The following ARHGEF38 variants were observed in gnomAD, a reference collection of about 807,000 sequenced individuals.
The protein encoded by ARHGEF38 is Rho guanine nucleotide exchange factor (GEF) 38.
Under a neutral mutation model 79.9 loss-of-function variants are expected in ARHGEF38, and 79 were observed. The ratio of observed to expected loss-of-function variants is 0.99; its 90% CI spans 0.82 to 1.19. The LOEUF is 1.19. Among genes scored for constraint, ARHGEF38 ranks in the 50% most tolerant of loss-of-function variants. ARHGEF38 has a pLI of 0.00. For synonymous variants in ARHGEF38, 366 were observed against 328.3 expected (o/e 1.11, Z -1.24); for missense variants, 962 against 907.2 (o/e 1.06, Z -0.78).
At chr4:105,580,434 C>CA (rs958513845) in intron 1 of ARHGEF38, among the ~76,000 whole-genome samples, 2 of 152,180 alleles carry the variant, frequency 1.3e-5, no homozygotes, top group African/African-American at 4.8e-5. Flanking sequence ...TCATAGGTTT[C>CA]AACAAACTTC....
intron 13 of ARHGEF38, among the ~76,000 whole-genome samples, chr4:105,668,242 C>T (rs552413520): frequency 7.9e-5 from 12 of 151,796 alleles, no homozygotes; most frequent in East Asian, 1.9e-4. Context: ...AGTGCAGTGG[C>T]GCAATCTCGG....
At chr4:105,668,711 A>AGAT (rs1307431231) in intron 13 of ARHGEF38, among the ~76,000 whole-genome samples, 2 of 151,678 alleles carry the variant, frequency 1.3e-5, no homozygotes, top group Non-Finnish European at 2.9e-5. Flanking sequence ...GATAGATGAT[A>AGAT]GATAGATAGA....
At chr4:105,674,876 G>A (rs2110587566) in intron 13 of ARHGEF38, among the ~76,000 whole-genome samples, 1 of 152,078 alleles carries the variant, frequency 6.6e-6, no homozygotes. Flanking sequence ...CCACTATTTA[G>A]AAATGTTCTA....
At chr4:105,669,058 T>TA (rs1484325950) in intron 13 of ARHGEF38, among the ~76,000 whole-genome samples, 1 of 151,936 alleles carries the variant, frequency 6.6e-6, no homozygotes, top group Non-Finnish European at 1.5e-5. Flanking sequence ...GAAATAATAA[T>TA]AATAATAATA....
chr4:105,579,704 TGTCTCTGCCA>T (rs141724798), intron 1 of ARHGEF38, among the ~76,000 whole-genome samples: 1 of 152,304 alleles, frequency 6.6e-6, no homozygotes, highest in East Asian at 1.9e-4. Flanking sequence ...TTATTTGTTG[TGTCTCTGCCA>T]GTCTTTGGTA....
At chr4:105,585,024 T>TTTCCTC (rs1191359096) in intron 1 of ARHGEF38, among the ~76,000 whole-genome samples, 1 of 152,202 alleles carries the variant, frequency 6.6e-6, no homozygotes, top group Non-Finnish European at 1.5e-5. Flanking sequence ...CCCTATTTTT[T>TTTCCTC]TTCCTCTTCC....
intron 1 of ARHGEF38, among the ~76,000 whole-genome samples, chr4:105,580,923 C>T (rs1426900169): frequency 6.6e-6 from 1 of 152,134 alleles, no homozygotes; most frequent in African/African-American, 2.4e-5. Flanking sequence ...GATCCACCAA[C>T]CTCGGCATCC....
At chr4:105,603,563 T>C (rs900146022) in intron 2 of ARHGEF38, among the ~76,000 whole-genome samples, 2 of 152,288 alleles carry the variant, frequency 1.3e-5, no homozygotes, top group African/African-American at 4.8e-5. Flanking sequence ...TGAAAGCCAC[T>C]AGATCCAATT....
At chr4:105,673,841 A>G (rs1356828707) in intron 13 of ARHGEF38, among the ~76,000 whole-genome samples, 1 of 152,150 alleles carries the variant, frequency 6.6e-6, no homozygotes, top group African/African-American at 2.4e-5. Context: ...CGTGTAATTA[A>G]AACATATAAT....
intron 10 of ARHGEF38, among the ~76,000 whole-genome samples, chr4:105,665,482 A>T (rs1211932431): frequency 9.4e-5 from 14 of 149,624 alleles, no homozygotes; most frequent in Middle Eastern, 3.2e-3. Flanking sequence ...GAAAAAAAAA[A>T]TTTTTTTTTT....
At chr4:105,607,089 G>A (rs927797471) in intron 2 of ARHGEF38, among the ~76,000 whole-genome samples, 5 of 152,042 alleles carry the variant, frequency 3.3e-5, no homozygotes, top group Admixed American at 6.6e-5. Flanking sequence ...TTTCCTCCCT[G>A]TGATGGGGTT....
intron 11 of ARHGEF38, among the ~76,000 whole-genome samples, 172 bp downstream of exon 11, chr4:105,666,492 A>G (rs1243673778): frequency 6.6e-6 from 1 of 152,196 alleles, no homozygotes. Flanking sequence ...CCATAAGATC[A>G]TGGATTTTTT....
At chr4:105,567,576 C>T (rs1347869505) in intron 1 of ARHGEF38, among the ~76,000 whole-genome samples, 1 of 152,106 alleles carries the variant, frequency 6.6e-6, no homozygotes, top group African/African-American at 2.4e-5. Flanking sequence ...AGTACATAGA[C>T]ATCAGTTTGT....
intron 2 of ARHGEF38, among the ~76,000 whole-genome samples, chr4:105,595,797 AC>A (rs1207365550): frequency 6.6e-6 from 1 of 152,170 alleles, no homozygotes; most frequent in Non-Finnish European, 1.5e-5. Flanking sequence ...TTGTTGTTAT[AC>A]TATATTGTTT....
chr4:105,577,377 C>G (rs1726557539), intron 1 of ARHGEF38, among the ~76,000 whole-genome samples: 1 of 150,622 alleles, frequency 6.6e-6, no homozygotes, highest in East Asian at 2.0e-4. Context: ...TTGCGATAGT[C>G]TTTTTTTATT....
chr4:105,578,965 T>G (rs1726644387), intron 1 of ARHGEF38, among the ~76,000 whole-genome samples: 1 of 152,186 alleles, frequency 6.6e-6, no homozygotes, highest in Non-Finnish European at 1.5e-5. Context: ...TACTTTCAGT[T>G]TTTCTCATTA....
At chr4:105,566,178 C>A (rs2110411083) in intron 1 of ARHGEF38, among the ~76,000 whole-genome samples, 1 of 152,328 alleles carries the variant, frequency 6.6e-6, no homozygotes, top group South Asian at 2.1e-4. Flanking sequence ...CTTTTCACAA[C>A]CTCTATCACT....
intron 13 of ARHGEF38, 24 bp from the exon 14 acceptor site, chr4:105,677,728 A>G (rs1413971353): frequency 7.2e-7 from 1 of 1,393,180 alleles, no homozygotes; most frequent in Non-Finnish European, 9.4e-7. Flanking sequence ...CAATTCCAAT[A>G]ATGTCTTTTG....
chr4:105,609,250 C>A (rs746823975), intron 2 of ARHGEF38, among the ~76,000 whole-genome samples: 2 of 152,036 alleles, frequency 1.3e-5, no homozygotes, highest in Non-Finnish European at 1.5e-5. Flanking sequence ...ATTGAAAAGA[C>A]TGTCCTTTCC....
Sources: gnomAD v4.1 joint callset for allele counts (sites outside exome capture counted in the v4.1 genomes callset) on GRCh38, gnomAD v4.1.1 for gene constraint, MANE v1.5 for transcripts, NCBI Gene and HGNC (gene_info 2026-07-23, HGNC 2026-07-21) for gene names.